Variants in GPC6 observed in about 807,000 individuals in gnomAD.
The protein encoded by GPC6 is glypican-6.
In GPC6, 14 loss-of-function variants were observed where a neutral mutation model predicts 55.2. The ratio of observed to expected loss-of-function variants is 0.25; its 90% CI spans 0.17 to 0.40. The LOEUF (loss-of-function observed/expected upper bound fraction) is 0.40. GPC6 is among the 10% of genes least tolerant of loss of function. GPC6 has a pLI of 1.00. For missense variants in GPC6, 641 were observed against 708.5 expected (o/e 0.90, Z 1.08); for synonymous variants, 278 against 259.6 (o/e 1.07, Z -0.68).
intron 1 of GPC6, among the ~76,000 whole-genome samples, chr13:93,454,419 A>T (rs1469428668): frequency 4.8e-5 from 6 of 124,846 alleles, no homozygotes; most frequent in African/African-American, 1.7e-4. Context: ...GTGTTTACAA[A>T]CCTTGAGCTA....
intron 3 of GPC6, among the ~76,000 whole-genome samples, chr13:93,890,263 G>C (rs1875588656): frequency 6.6e-6 from 1 of 152,032 alleles, no homozygotes; most frequent in South Asian, 2.1e-4. Context: ...CATCTTCTTT[G>C]TGGTACTTAA....
At chr13:93,602,786 G>T (rs1878073807) in intron 2 of GPC6, among the ~76,000 whole-genome samples, 1 of 152,142 alleles carries the variant, frequency 6.6e-6, no homozygotes, top group Admixed American at 6.5e-5. Context: ...TACTGACAAA[G>T]TCACAAAGAA....
intron 4 of GPC6, among the ~76,000 whole-genome samples, chr13:94,160,653 G>A (rs994692469): frequency 6.6e-6 from 1 of 152,180 alleles, no homozygotes; most frequent in Non-Finnish European, 1.5e-5. Flanking sequence ...CTTCACTAAT[G>A]AAAACATGCA....
chr13:94,327,157 T>C (rs1877164893), intron 6 of GPC6, among the ~76,000 whole-genome samples: 1 of 152,206 alleles, frequency 6.6e-6, no homozygotes, highest in Non-Finnish European at 1.5e-5. Context: ...TCATGCATAA[T>C]TTTAAAAATA....
At chr13:93,428,601 A>G (rs1044224289) in intron 1 of GPC6, among the ~76,000 whole-genome samples, 5 of 152,132 alleles carry the variant, frequency 3.3e-5, no homozygotes, top group African/African-American at 1.2e-4. Flanking sequence ...ATGTGTAATG[A>G]TTATTACGCA....
intron 2 of GPC6, among the ~76,000 whole-genome samples, chr13:93,626,864 C>A (rs565564212): frequency 6.6e-6 from 1 of 151,452 alleles, no homozygotes. Context: ...TTTATTGGCT[C>A]ACATTTTCAC....
At chr13:94,121,139 C>G (rs1423515410) in intron 4 of GPC6, among the ~76,000 whole-genome samples, 2 of 151,994 alleles carry the variant, frequency 1.3e-5, no homozygotes, top group African/African-American at 4.8e-5. Context: ...CATGACTAAA[C>G]CTCTTTCAAC....
At chr13:93,684,610 T>C (rs1457654756) in intron 2 of GPC6, among the ~76,000 whole-genome samples, 1 of 152,208 alleles carries the variant, frequency 6.6e-6, no homozygotes, top group Non-Finnish European at 1.5e-5. Flanking sequence ...GGACTGAAGT[T>C]TTTTATAATG....
At position 94,048,907 on chromosome 13, in the gene GPC6, G is replaced by A. The variant is rs534917419; in HGVS notation, c.877+21013G>A. On this transcript the variant is annotated intron_variant, in intron 4 of 8. Transcript: ENST00000377047. ...ACTTCTGGATGGCATTTCCTCCTGTGTCTTCATGTTCTCTGCTCCCCTTCG... is the reference window on the plus strand; with the variant it reads ...ACTTCTGGATGGCATTTCCTCCTGTATCTTCATGTTCTCTGCTCCCCTTCG... Among the ~76,000 whole-genome samples the A allele has an allele frequency of 1.2e-4, 18 of 152,044 alleles. No individual in the cohort carries two copies. In the South Asian group the frequency reaches 2.3e-3, roughly 19 times the overall value.
intron 3 of GPC6, among the ~76,000 whole-genome samples, chr13:93,875,356 T>A (rs1333841560): frequency 6.6e-6 from 1 of 152,060 alleles, no homozygotes; most frequent in East Asian, 1.9e-4. Flanking sequence ...CACTTCGCTG[T>A]TGCAATTAGG....
intron 1 of GPC6, among the ~76,000 whole-genome samples, chr13:93,509,528 A>G (rs561712715): frequency 6.6e-6 from 1 of 152,290 alleles, no homozygotes; most frequent in East Asian, 1.9e-4. Context: ...GAGTAAACCA[A>G]ATGCCTTCCA....
chr13:93,307,554 G>T (rs1422988067), intron 1 of GPC6, among the ~76,000 whole-genome samples: 1 of 152,014 alleles, frequency 6.6e-6, no homozygotes, highest in Non-Finnish European at 1.5e-5. Flanking sequence ...TATGGAAAGA[G>T]CATAAATAAA....
At chr13:94,294,069 A>G (rs775019808) in intron 5 of GPC6, among the ~76,000 whole-genome samples, 1 of 152,164 alleles carries the variant, frequency 6.6e-6, no homozygotes, top group Non-Finnish European at 1.5e-5. Flanking sequence ...CAGTTACCCA[A>G]CAGTTCAGAA....
At chr13:93,620,977 A>T (rs115949584) in intron 2 of GPC6, among the ~76,000 whole-genome samples, 284 of 152,214 alleles carry the variant, frequency 1.9e-3, no homozygotes, top group African/African-American at 6.6e-3. Context: ...ATGAGTGTTT[A>T]TTGAATAGCT....
chr13:93,908,962 T>C (rs1342431551), intron 3 of GPC6, among the ~76,000 whole-genome samples: 1 of 152,122 alleles, frequency 6.6e-6, no homozygotes, highest in African/African-American at 2.4e-5. Flanking sequence ...TTCTCATCAC[T>C]CTCTAACCTC....
At chr13:93,539,318 G>A (rs147463445) in intron 1 of GPC6, among the ~76,000 whole-genome samples, 51 of 152,202 alleles carry the variant, frequency 3.4e-4, no homozygotes, top group African/African-American at 1.1e-3. Flanking sequence ...TTCACAACTC[G>A]CAGTGTTCCA....
At chr13:93,340,880 C>T (rs1880231067) in intron 1 of GPC6, among the ~76,000 whole-genome samples, 1 of 152,088 alleles carries the variant, frequency 6.6e-6, no homozygotes, top group African/African-American at 2.4e-5. Context: ...TTTAGTGCAC[C>T]TACCACCGGA....
At chr13:93,691,869 C>G (rs1233907470) in intron 2 of GPC6, among the ~76,000 whole-genome samples, 3 of 151,934 alleles carry the variant, frequency 2.0e-5, no homozygotes, top group Non-Finnish European at 1.5e-5. Context: ...GCAAAATAAT[C>G]ATCATTTAGC....
chr13:93,678,309 A>G (rs1435870268), intron 2 of GPC6, among the ~76,000 whole-genome samples: 2 of 152,194 alleles, frequency 1.3e-5, no homozygotes, highest in African/African-American at 2.4e-5. Flanking sequence ...CCATAGATAT[A>G]GCATAGTCTC....
Sources: allele counts gnomAD v4.1 joint callset (sites outside exome capture counted in the v4.1 genomes callset), GRCh38; gene constraint gnomAD v4.1.1; transcripts MANE v1.5; gene names NCBI Gene and HGNC (gene_info 2026-07-23, HGNC 2026-07-21).